CDK7: variants seen among roughly 807,000 people sequenced by gnomAD.
CDK7 encodes cyclin dependent kinase 7.
Under a neutral mutation model 49.1 loss-of-function variants are expected in CDK7, and 25 were observed. The observed-to-expected ratio is 0.51, with a 90% CI of 0.37 to 0.71. CDK7 has a LOEUF of 0.71. Among genes scored for constraint, CDK7 ranks in the 30% least tolerant of loss-of-function variants. CDK7 has a pLI of 0.00. For synonymous variants in CDK7, 107 were observed against 140.0 expected, an observed-to-expected ratio of 0.76 and a Z score of 1.67; for missense variants, 316 against 411.7, an observed-to-expected ratio of 0.77 and a Z score of 2.01.
At chr5:69,272,044 A>G (rs1325097584) in intron 9 of CDK7, among the ~76,000 whole-genome samples, 10 of 151,314 alleles carry the variant, frequency 6.6e-5, no homozygotes, top group African/African-American at 2.2e-4. Context: ...TCCTGCCTCA[A>G]TCTCCCAAAG....
At chr5:69,275,578 A>G (rs1476640503) in intron 10 of CDK7, among the ~76,000 whole-genome samples, 2 of 152,228 alleles carry the variant, frequency 1.3e-5, no homozygotes, top group Admixed American at 1.3e-4. Context: ...TTTTTGAATG[A>G]TGACGTGATG....
intron 8 of CDK7, among the ~76,000 whole-genome samples, chr5:69,265,651 T>A (rs1751104320): frequency 6.6e-6 from 1 of 152,220 alleles, no homozygotes; most frequent in Non-Finnish European, 1.5e-5. Context: ...AGCTCACTCC[T>A]GTAATCCCAG....
chr5:69,276,721 T>C, intron 11 of CDK7, 31 bp downstream of exon 11: 2 of 1,595,298 alleles, frequency 1.3e-6, no homozygotes, highest in Admixed American at 1.8e-5. Flanking sequence ...AGAAATTAAA[T>C]GAATTTAGAA....
chr5:69,246,257 C>G (rs1749748709), intron 2 of CDK7, among the ~76,000 whole-genome samples: 1 of 152,140 alleles, frequency 6.6e-6, no homozygotes, highest in Non-Finnish European at 1.5e-5. Context: ...CTGCCTCAGC[C>G]TCCTGAGTAG....
chr5:69,263,789 T>C (rs549930776), intron 8 of CDK7, among the ~76,000 whole-genome samples: 2 of 152,338 alleles, frequency 1.3e-5, no homozygotes, highest in African/African-American at 4.8e-5. Flanking sequence ...GCCCCTAATG[T>C]TATGACTGAT....
At chr5:69,263,233 A>G (rs999496128) in intron 8 of CDK7, among the ~76,000 whole-genome samples, 4 of 150,814 alleles carry the variant, frequency 2.7e-5, no homozygotes, top group African/African-American at 9.8e-5. Context: ...AAAGGGATAC[A>G]GGGGAATCCT....
intron 10 of CDK7, 141 bp downstream of exon 10, chr5:69,273,182 T>A: frequency 1.7e-6 from 1 of 596,432 alleles, no homozygotes; most frequent in Non-Finnish European, 2.8e-6. Context: ...ACAAACTTTG[T>A]ATCTTTTCCC....
intron 2 of CDK7, among the ~76,000 whole-genome samples, chr5:69,249,402 ATGG>A (rs1749988024): frequency 6.6e-6 from 1 of 151,698 alleles, no homozygotes; most frequent in African/African-American, 2.4e-5. Context: ...TTAGCTTGAC[ATGG>A]TGGTTTGTGC....
rs1191860477 is a variant in CDK7 at position 69,261,490 on chromosome 5, C to CTCTG, written c.528-714_528-713insCTGT. On this transcript the variant is annotated intron_variant, in intron 7 of 11. Coordinates refer to ENST00000256443, the MANE Select transcript of CDK7 (RefSeq NM_001799.4). ...ATGAAAGCCTGATTGAAAAGGTTCTCTGTGTGTGTGTGTGTGTGTGTGTGT... is the reference window on the plus strand; with the variant it reads ...ATGAAAGCCTGATTGAAAAGGTTCTCTCTGTGTGTGTGTGTGTGTGTGTGTGTGT... Among the ~76,000 whole-genome samples the CTCTG allele has an allele frequency of 5.2e-3, 731 of 139,644 alleles. 2 individuals carry two copies. Among genetic ancestry groups the CTCTG allele is most frequent in the Middle Eastern group, 7.3e-3 (2 of 274 alleles). 91.6% of individuals were successfully genotyped at this position (139,644 alleles called of 152,430 possible).
At chr5:69,242,800 C>T (rs573014539) in intron 2 of CDK7, among the ~76,000 whole-genome samples, 21 of 152,140 alleles carry the variant, frequency 1.4e-4, no homozygotes, top group Non-Finnish European at 2.9e-4. Context: ...AATCCCAGCA[C>T]TTTGGGAGGC....
At chr5:69,242,174 A>G (rs1749440820) in intron 2 of CDK7, among the ~76,000 whole-genome samples, 1 of 152,220 alleles carries the variant, frequency 6.6e-6, no homozygotes, top group Non-Finnish European at 1.5e-5. Context: ...CAACAAAGAA[A>G]GAGTTTAATT....
intron 2 of CDK7, among the ~76,000 whole-genome samples, chr5:69,248,802 C>T (rs72767853): frequency 7.8e-3 from 717 of 91,740 alleles, no homozygotes; most frequent in Middle Eastern, 0.042. Context: ...TTTTTTTTTT[C>T]TTTTTTTTTT....
At chr5:69,271,844 A>G (rs1751580945) in intron 9 of CDK7, among the ~76,000 whole-genome samples, 1 of 151,658 alleles carries the variant, frequency 6.6e-6, no homozygotes, top group South Asian at 2.1e-4. Context: ...TTTTTCTACA[A>G]GTTTTGTAGT....
At chr5:69,252,494 CTTTTTTTTTT>C (rs138764556) in intron 3 of CDK7, 43 bp downstream of exon 3, 20 of 364,274 alleles carry the variant, frequency 5.5e-5, no homozygotes, top group African/African-American at 2.2e-4. Flanking sequence ...AAGTTTTCTC[CTTTTTTTTTT>C]TTTTTTTTTT....
At chr5:69,272,866 T>C in intron 9 of CDK7, 26 bp from the exon 10 acceptor site, 1 of 1,513,244 alleles carries the variant, frequency 6.6e-7, no homozygotes, top group South Asian at 1.3e-5. Context: ...AATCCTTAAG[T>C]TTGAATTACA....
chr5:69,236,420 C>G (rs1748978126), intron 2 of CDK7, among the ~76,000 whole-genome samples: 1 of 152,094 alleles, frequency 6.6e-6, no homozygotes, highest in Admixed American at 6.6e-5. Flanking sequence ...ATTGCTGAAG[C>G]TGGGATTTAA....
chr5:69,269,337 T>G lies in CDK7; in HGVS notation c.714+44T>G, dbSNP rs1398608538. ...TCTTTGAAATGTAATTAGGACTCTG[T>G]AAAGTTCTTAAACTGTCATATACTT... On this transcript the variant is annotated intron_variant, in intron 9 of 11. Transcript: ENST00000256443. The G allele has an allele frequency of 2.2e-6, 3 of 1,350,210 alleles. No homozygotes were observed. The African/African-American group carries it at 4.4e-5, about 20-fold the overall frequency. 83.6% of individuals were successfully genotyped at this position (1,350,210 alleles called of 1,614,324 possible). A position where few individuals can be genotyped will look rare whatever the true frequency, so the allele number is the denominator to read the frequency against.
intron 5 of CDK7, among the ~76,000 whole-genome samples, chr5:69,256,680 A>T (rs570346489): frequency 6.6e-6 from 1 of 152,250 alleles, no homozygotes; most frequent in Non-Finnish European, 1.5e-5. Context: ...GTATTGCTAG[A>T]TCACAAGATT....
chr5:69,249,491 C>A (rs1252056254), intron 2 of CDK7, among the ~76,000 whole-genome samples: 1 of 151,164 alleles, frequency 6.6e-6, no homozygotes, highest in Non-Finnish European at 1.5e-5. Flanking sequence ...TGCAGTGAGC[C>A]GAGATTGCAC....
Sources: allele counts gnomAD v4.1 joint callset (sites outside exome capture counted in the v4.1 genomes callset), GRCh38; gene constraint gnomAD v4.1.1; transcripts MANE v1.5; gene names NCBI Gene and HGNC (gene_info 2026-07-23, HGNC 2026-07-21).